Variants in NCMAP observed in about 807,000 individuals in gnomAD.
The protein encoded by NCMAP is non-compact myelin associated protein, also known as noncompact myelin-associated protein.
NCMAP carries 8 observed loss-of-function variants against 7.8 expected under a neutral mutation model. The observed-to-expected ratio is 1.02, with a 90% confidence interval of 0.60 to 1.84. NCMAP has a LOEUF of 1.84. Ranked by LOEUF, NCMAP falls within the 40% of genes most tolerant of loss-of-function variation. NCMAP has a pLI of 0.00. For synonymous variants in NCMAP, 41 were observed against 52.9 expected, an observed-to-expected ratio of 0.78 and a Z score of 0.98; for missense variants, 112 against 131.4, an observed-to-expected ratio of 0.85 and a Z score of 0.72.
chr1:24,561,728 T>G (rs2148924604), intron 1 of NCMAP, among the ~76,000 whole-genome samples: 1 of 152,244 alleles, frequency 6.6e-6, no homozygotes, highest in South Asian at 2.1e-4. Flanking sequence ...CTGGCCAACA[T>G]AGTGAAACCC....
chr1:24,598,054 G>A (rs1557602877), intron 2 of NCMAP, among the ~76,000 whole-genome samples: 1 of 152,024 alleles, frequency 6.6e-6, no homozygotes, highest in Admixed American at 6.6e-5. Flanking sequence ...GCAATGCACA[G>A]GACAGCCTCC....
At chr1:24,581,686 C>T (rs1651751426) in intron 1 of NCMAP, among the ~76,000 whole-genome samples, 1 of 152,158 alleles carries the variant, frequency 6.6e-6, no homozygotes, top group East Asian at 1.9e-4. Context: ...CATGGAGGGG[C>T]CAGACAGCTG....
At chr1:24,597,652 A>G (rs1358913775) in intron 2 of NCMAP, among the ~76,000 whole-genome samples, 1 of 137,410 alleles carries the variant, frequency 7.3e-6, no homozygotes, top group African/African-American at 2.8e-5. Flanking sequence ...AGAAAGAAAG[A>G]AAGAAAGAAA....
At chr1:24,570,800 G>A (rs1354117228) in intron 1 of NCMAP, among the ~76,000 whole-genome samples, 3 of 150,944 alleles carry the variant, frequency 2.0e-5, no homozygotes, top group Admixed American at 1.3e-4. Context: ...CCCTGTGCCC[G>A]ATCCTTGCTC....
chr1:24,582,554 T>C (rs561997428), intron 1 of NCMAP, among the ~76,000 whole-genome samples: 1 of 151,786 alleles, frequency 6.6e-6, no homozygotes, highest in South Asian at 2.1e-4. Flanking sequence ...GAGAGCGAGG[T>C]AAGACGATGC....
chr1:24,567,860 G>A (rs1557593379), intron 1 of NCMAP, among the ~76,000 whole-genome samples: 1 of 152,164 alleles, frequency 6.6e-6, no homozygotes, highest in Non-Finnish European at 1.5e-5. Context: ...GCCCAGGTGG[G>A]ATGGGAGAGG....
chr1:24,588,552 G>A (rs1218566876), intron 1 of NCMAP, among the ~76,000 whole-genome samples: 1 of 152,180 alleles, frequency 6.6e-6, no homozygotes, highest in Non-Finnish European at 1.5e-5. Context: ...AGCTTCAGGG[G>A]AGATATTTTG....
intron 1 of NCMAP, among the ~76,000 whole-genome samples, chr1:24,591,818 C>T (rs1284382066): frequency 1.3e-5 from 2 of 152,106 alleles, no homozygotes; most frequent in Non-Finnish European, 2.9e-5. Flanking sequence ...ATTAAGGGAG[C>T]ACAGAGAAGG....
rs529562207 is a variant in NCMAP at position 24,590,357 on chromosome 1, C to T, written c.-7-5067C>T. Among the ~76,000 whole-genome samples, 6 of 152,180 alleles carry T rather than the reference C, an allele frequency of 3.9e-5. No homozygotes were observed. The South Asian group carries it at 1.2e-3, about 32-fold the overall frequency. On this transcript the variant is annotated intron_variant, in intron 1 of 3. Coordinates refer to ENST00000374392, the MANE Select transcript of NCMAP (RefSeq NM_001010980.5). ...CTCTCTCACTAAGCAAACCTTGATC[C>T]GCAGCCACCTATTTGTATCTCTTTT...
Position 24,569,030 on chromosome 1 carries a change from T to TG in NCMAP, c.-8+12861_-8+12862insG, listed in dbSNP as rs200234206. ...ATATTTGTTTTGTTTTGTTTTGTTTTTTTTTGGAGACTTGCTCTGTCGCCC... is the reference window on the plus strand; with the variant it reads ...ATATTTGTTTTGTTTTGTTTTGTTTTGTTTTTGGAGACTTGCTCTGTCGCCC... On this transcript the variant is annotated intron_variant, in intron 1 of 3. Transcript: ENST00000374392. 1.1e-3 allele frequency among the ~76,000 whole-genome samples: 162 copies of TG among 151,906 alleles called. 1 individual carries two copies. Among genetic ancestry groups the TG allele is most frequent in the African/African-American group, 1.8e-3 (73 of 41,464 alleles).
intron 1 of NCMAP, among the ~76,000 whole-genome samples, chr1:24,583,847 T>C (rs1651806607): frequency 6.6e-6 from 1 of 151,408 alleles, no homozygotes; most frequent in African/African-American, 2.4e-5. Flanking sequence ...CGGTTTGGAG[T>C]AGGAGATCTG....
intron 3 of NCMAP, among the ~76,000 whole-genome samples, chr1:24,601,981 C>T (rs1652512111): frequency 6.6e-6 from 1 of 151,068 alleles, no homozygotes; most frequent in African/African-American, 2.4e-5. Flanking sequence ...GCGGAGCTTG[C>T]AGTGAGCCGA....
At chr1:24,590,461 G>A (rs1220070932) in intron 1 of NCMAP, among the ~76,000 whole-genome samples, 1 of 152,190 alleles carries the variant, frequency 6.6e-6, no homozygotes, top group Non-Finnish European at 1.5e-5. Context: ...GAAGGAGAAG[G>A]TTTAGGGAAA....
At chr1:24,600,392 G>T (rs1439393385) in intron 2 of NCMAP, among the ~76,000 whole-genome samples, 1 of 152,068 alleles carries the variant, frequency 6.6e-6, no homozygotes, top group Non-Finnish European at 1.5e-5. Context: ...GGGCTCAAGT[G>T]ATCCTCCCAC....
chr1:24,585,407 C>T (rs1484600128), intron 1 of NCMAP, among the ~76,000 whole-genome samples: 1 of 152,126 alleles, frequency 6.6e-6, no homozygotes, highest in African/African-American at 2.4e-5. Context: ...TAGGAAGGAT[C>T]GCTGCTTTCC....
rs1652851270 is a variant in NCMAP, at chr1:24,609,196, A to T, written c.*3449A>T. On this transcript the variant is annotated 3_prime_UTR_variant, in exon 4 of 4. Transcript: ENST00000374392. ...GCAGCTGGTCTCATGCAGGGATCTC[A>T]CCACGTGGTTATGTATTTTGTTTCT... 1 of 152,140 alleles carries T rather than the reference A, an allele frequency of 6.6e-6. No homozygotes were observed. The highest frequency in any genetic ancestry group is 2.1e-4 in the South Asian group (1 of 4,822). The allele number at this position is 152,140 out of a possible 1,614,324, so 9.4% of individuals were successfully genotyped here. A position where few individuals can be genotyped will look rare whatever the true frequency, so the allele number is the denominator to read the frequency against.
At position 24,561,408 on chromosome 1, in the gene NCMAP, ATCT is replaced by A. The variant is rs1033213043; in HGVS notation, c.-8+5245_-8+5247del. On this transcript the variant is annotated intron_variant, in intron 1 of 3. Transcript: ENST00000374392. ...TATGACTGCATGGGTATATCAAAAC[ATCT>A]TCTTCAACCTGAAAGTCGCTTTTTC... 8.5e-5 allele frequency among the ~76,000 whole-genome samples: 13 copies of A among 152,282 alleles called. 1 individual carries two copies. Among genetic ancestry groups the A allele is most frequent in the African/African-American group, 2.9e-4 (12 of 41,556 alleles).
chr1:24,578,563 T>TC (rs200361807), intron 1 of NCMAP, among the ~76,000 whole-genome samples: 6,422 of 91,772 alleles, frequency 0.07, 152 homozygotes, highest in Middle Eastern at 0.14. Context: ...TTTCTTTCTT[T>TC]TTTTTTTTTT....
At position 24,605,746 on chromosome 1, in the gene NCMAP, G is replaced by A. The variant is rs1316106289; in HGVS notation, c.308G>A (p.Ter103=). The change falls in exon 4 of 4, where the codon TGA becomes TAA. Residue 103 remains the stop codon, a stop_retained_variant. Transcript: ENST00000374392. ...SPVDVQVETR[*] is the part of the protein sequence containing the mutation. ...GTTGACGTCCAGGTGGAGACGCGAT[G>A]ACCTCTACCCTGGCGCTATCTCCAC... 41 of 1,614,008 alleles carry A rather than the reference G, an allele frequency of 2.5e-5. No homozygotes were observed. Among genetic ancestry groups the A allele is most frequent in the Non-Finnish European group, 3.1e-5 (37 of 1,180,026 alleles).
Sources: gnomAD v4.1 joint callset for allele counts (sites outside exome capture counted in the v4.1 genomes callset) on GRCh38, gnomAD v4.1.1 for gene constraint, MANE v1.5 for transcripts, NCBI Gene and HGNC (gene_info 2026-07-23, HGNC 2026-07-21) for gene names.